Variants in TTC17 observed in about 807,000 individuals in gnomAD.
The protein encoded by TTC17 is tetratricopeptide repeat domain 17.
TTC17 carries 58 observed loss-of-function variants against 143.8 expected under a neutral mutation model. That is an observed-to-expected ratio of 0.40 (90% CI 0.33 to 0.50). The LOEUF (loss-of-function observed/expected upper bound fraction) is 0.50. Among genes scored for constraint, TTC17 ranks in the 20% least tolerant of loss-of-function variants. The probability of loss-of-function intolerance (pLI) is 0.49; values close to 1 mark genes in which losing one functional copy is unlikely to be tolerated. For missense variants in TTC17, 1,273 were observed against 1,392.5 expected, an observed-to-expected ratio of 0.91 and a Z score of 1.37; for synonymous variants, 501 against 497.8, an observed-to-expected ratio of 1.01 and a Z score of -0.09.
Position 43,389,698 on chromosome 11 carries a change from G to A in TTC17, c.296G>A (p.Arg99Lys). 1 of 1,613,490 alleles carries A rather than the reference G, an allele frequency of 6.2e-7. No homozygotes were observed. Among genetic ancestry groups the A allele is most frequent in the Non-Finnish European group, 8.5e-7 (1 of 1,179,708 alleles). Residue 99 changes from arginine to lysine, a missense_variant, in exon 3 of 24, where the codon AGA (arginine) becomes AAA (lysine). Coordinates refer to ENST00000039989, the MANE Select transcript of TTC17 (RefSeq NM_018259.6). ...ATTCACATAGAAGAGAATGAGGACAGAGACACAGGACTGGAACAGAGACAT... is the reference window on the plus strand; with the variant it reads ...ATTCACATAGAAGAGAATGAGGACAAAGACACAGGACTGGAACAGAGACAT... The part of the protein sequence containing the change: ...QKIHIEENED[R>K]DTGLEQRHNK...
rs553374468 is a variant in TTC17 at position 43,383,796 on chromosome 11, C to G, written c.249+4474C>G. On this transcript the variant is annotated intron_variant, in intron 2 of 23. Transcript: ENST00000039989. ...GTGGTTTTATTTTTTACAAAAGAGGCTTTTCTTTTCAAAACATACTGAAAT... is the reference window on the plus strand; with the variant it reads ...GTGGTTTTATTTTTTACAAAAGAGGGTTTTCTTTTCAAAACATACTGAAAT... 8.5e-5 allele frequency among the ~76,000 whole-genome samples: 13 copies of G among 152,056 alleles called. No individual in the cohort carries two copies. In the East Asian group the frequency reaches 1.7e-3, roughly 20 times the overall value.
At chr11:43,424,178 C>T (rs557908637) in intron 16 of TTC17, among the ~76,000 whole-genome samples, 65 of 151,758 alleles carry the variant, frequency 4.3e-4, no homozygotes, top group Non-Finnish European at 5.6e-4. Context: ...CTGCCATCTC[C>T]GCCTCCCTGG....
Position 43,492,107 on chromosome 11 carries a change from A to T in TTC17, c.3238A>T (p.Ile1080Phe). 6.2e-7 allele frequency: 1 copy of T among 1,614,102 alleles called. No individual in the cohort carries two copies. The highest frequency in any genetic ancestry group is 8.5e-7 in the Non-Finnish European group (1 of 1,179,990). ...CATAGTAGCCACCATGGCAGTAGAG[A>T]TCGCACCACACTTTGCTGTGAACCA... ...AVIVATMAVEIAPHFAVNHFT... is the reference protein window; with the variant it reads ...AVIVATMAVEFAPHFAVNHFT... The change falls in exon 23 of 24, where the codon ATC (isoleucine) becomes TTC (phenylalanine). Residue 1080 changes from isoleucine (I) to phenylalanine (F), a missense_variant. Ile to Phe is a conservative substitution (Grantham distance 21). Coordinates refer to ENST00000039989, the MANE Select transcript of TTC17 (RefSeq NM_018259.6).
intron 2 of TTC17, among the ~76,000 whole-genome samples, chr11:43,382,869 C>T (rs1857023936): frequency 6.6e-6 from 1 of 152,152 alleles, no homozygotes; most frequent in Non-Finnish European, 1.5e-5. Flanking sequence ...AATCCAATTT[C>T]CTTTTTCTTT....
chr11:43,467,805 T>C (rs893672583), intron 21 of TTC17, among the ~76,000 whole-genome samples: 1 of 149,104 alleles, frequency 6.7e-6, no homozygotes, highest in African/African-American at 2.5e-5. Flanking sequence ...CAAACTGATA[T>C]ATAAAGACAT....
chr11:43,406,971 A>G (rs182158949), intron 13 of TTC17, among the ~76,000 whole-genome samples, 167 bp from the exon 14 acceptor site: 5 of 152,336 alleles, frequency 3.3e-5, no homozygotes, highest in Admixed American at 2.6e-4. Flanking sequence ...GAGCAGGTCA[A>G]CACCTGTTGG....
intron 21 of TTC17, among the ~76,000 whole-genome samples, chr11:43,462,815 T>G (rs1374546505): frequency 1.3e-5 from 2 of 152,090 alleles, no homozygotes; most frequent in Non-Finnish European, 2.9e-5. Flanking sequence ...TTGAATAAAA[T>G]TATAATAACT....
Position 43,398,227 on chromosome 11 carries a change from C to G in TTC17, c.1058+114C>G, listed in dbSNP as rs570099225. 1.7e-4 allele frequency: 225 copies of G among 1,311,860 alleles called. No individual in the cohort carries two copies. The African/African-American group carries it at 3.2e-3, about 19-fold the overall frequency. 81.3% of individuals were successfully genotyped at this position (1,311,860 alleles called of 1,614,324 possible). A position where few individuals can be genotyped will look rare whatever the true frequency, so the allele number is the denominator to read the frequency against. Reference sequence around the variant, plus strand: ...ACTGGAATTAAGAAAGAAACCTCTTCACTACTGCAAGTCCTATCCTTTTTC... The same window carrying G: ...ACTGGAATTAAGAAAGAAACCTCTTGACTACTGCAAGTCCTATCCTTTTTC... On this transcript the variant is annotated intron_variant, in intron 8 of 23. Coordinates refer to ENST00000039989, the MANE Select transcript of TTC17 (RefSeq NM_018259.6).
At chr11:43,412,260 G>A (rs1157382573) in intron 15 of TTC17, among the ~76,000 whole-genome samples, 1 of 152,072 alleles carries the variant, frequency 6.6e-6, no homozygotes, top group Admixed American at 6.6e-5. Context: ...AAGTGGGGAG[G>A]ATCGCTTGAG....
intron 21 of TTC17, among the ~76,000 whole-genome samples, chr11:43,478,234 C>T (rs1948221032): frequency 6.6e-6 from 1 of 152,114 alleles, no homozygotes; most frequent in Non-Finnish European, 1.5e-5. Flanking sequence ...CCCCAGAGAT[C>T]ACAACAGATT....
At chr11:43,439,558 C>T (rs997238369) in intron 16 of TTC17, among the ~76,000 whole-genome samples, 2 of 151,152 alleles carry the variant, frequency 1.3e-5, no homozygotes, top group African/African-American at 4.9e-5. Flanking sequence ...AGCTCTGCCT[C>T]CTGGGTTCAT....
chr11:43,421,128 A>G (rs1946893445), intron 16 of TTC17, among the ~76,000 whole-genome samples: 1 of 152,202 alleles, frequency 6.6e-6, no homozygotes, highest in Non-Finnish European at 1.5e-5. Flanking sequence ...ATAATAAATC[A>G]TTTAATTAGA....
At position 43,364,222 on chromosome 11, in the gene TTC17, A is replaced by G. The variant is rs529346608; in HGVS notation, c.159+5109A>G. Among the ~76,000 whole-genome samples the G allele has an allele frequency of 5.3e-5, 8 of 151,912 alleles. No individual in the cohort carries two copies. In the East Asian group the frequency reaches 1.6e-3, roughly 29 times the overall value. ...CAGGTGTGCACCACCACACCTGGCTAATTTTTGAATTTTTAGTAGAGACAG... is the reference window on the plus strand; with the variant it reads ...CAGGTGTGCACCACCACACCTGGCTGATTTTTGAATTTTTAGTAGAGACAG... On this transcript the variant is annotated intron_variant, in intron 1 of 23. Coordinates refer to ENST00000039989, the MANE Select transcript of TTC17 (RefSeq NM_018259.6).
chr11:43,381,219 C>T (rs1422671980), intron 2 of TTC17, among the ~76,000 whole-genome samples: 1 of 152,144 alleles, frequency 6.6e-6, no homozygotes, highest in East Asian at 1.9e-4. Context: ...TATGAAGCTT[C>T]TGCTTCATAT....
chr11:43,388,637 G>A (rs1358731488), intron 2 of TTC17, among the ~76,000 whole-genome samples: 1 of 151,566 alleles, frequency 6.6e-6, no homozygotes, highest in Non-Finnish European at 1.5e-5. Flanking sequence ...CCAGGAGTTT[G>A]AGACCAGCCT....
At chr11:43,377,965 G>T (rs969012398) in intron 1 of TTC17, among the ~76,000 whole-genome samples, 1 of 152,032 alleles carries the variant, frequency 6.6e-6, no homozygotes, top group Non-Finnish European at 1.5e-5. Context: ...GTGCGTTGGC[G>T]CAATCTCAGG....
chr11:43,480,797 C>T (rs1192209796), intron 21 of TTC17, among the ~76,000 whole-genome samples: 1 of 143,734 alleles, frequency 7.0e-6, no homozygotes, highest in African/African-American at 2.6e-5. Context: ...TTAAGGGTAT[C>T]ATTAAAAGAA....
At chr11:43,415,709 A>G (rs930699067) in intron 16 of TTC17, among the ~76,000 whole-genome samples, 1 of 152,216 alleles carries the variant, frequency 6.6e-6, no homozygotes, top group African/African-American at 2.4e-5. Flanking sequence ...TTGATTCGCT[A>G]TACCAGACTG....
At chr11:43,479,979 G>A (rs1430753836) in intron 21 of TTC17, among the ~76,000 whole-genome samples, 2 of 152,120 alleles carry the variant, frequency 1.3e-5, no homozygotes, top group African/African-American at 4.8e-5. Flanking sequence ...AACACTGACA[G>A]GAGCAGCATG....
Sources: allele counts gnomAD v4.1 joint callset (sites outside exome capture counted in the v4.1 genomes callset), GRCh38; gene constraint gnomAD v4.1.1; transcripts MANE v1.5; gene names NCBI Gene and HGNC (gene_info 2026-07-23, HGNC 2026-07-21).